The following NAV2 variants were observed in gnomAD, a reference collection of about 807,000 sequenced individuals.
The protein encoded by NAV2 is helicase, APC down-regulated 1.
Under a neutral mutation model 223.2 loss-of-function variants are expected in NAV2, and 54 were observed. The observed-to-expected ratio is 0.24, with a 90% CI of 0.19 to 0.30. NAV2 has a LOEUF of 0.30. NAV2 is among the 10% of genes least tolerant of loss of function. The probability of loss-of-function intolerance (pLI) is 1.00; values close to 1 mark genes in which losing one functional copy is unlikely to be tolerated. For missense variants in NAV2, 2,806 were observed against 3,147.5 expected (o/e 0.89, Z 2.60); for synonymous variants, 1,279 against 1,239.3 (o/e 1.03, Z -0.67).
chr11:19,975,019 C>T (rs2049588731), intron 10 of NAV2, among the ~76,000 whole-genome samples: 1 of 152,170 alleles, frequency 6.6e-6, no homozygotes, highest in Non-Finnish European at 1.5e-5. Context: ...GATATCAGTC[C>T]ATCTCCTTTC....
chr11:19,882,916 G>T (rs997559981), intron 5 of NAV2, among the ~76,000 whole-genome samples: 2 of 152,090 alleles, frequency 1.3e-5, no homozygotes, highest in Admixed American at 6.6e-5. Context: ...CTTTCTAATT[G>T]TATTTCCAAA....
intron 1 of NAV2, among the ~76,000 whole-genome samples, chr11:19,382,242 A>G (rs1848867242): frequency 6.6e-6 from 1 of 152,246 alleles, no homozygotes; most frequent in South Asian, 2.1e-4. Context: ...TTCCCAGTGT[A>G]CAATGGGACA....
chr11:19,628,940 CT>C (rs2047258471), intron 1 of NAV2, among the ~76,000 whole-genome samples: 1 of 152,158 alleles, frequency 6.6e-6, no homozygotes, highest in Admixed American at 6.5e-5. Context: ...ATTTGCCACC[CT>C]GACCTTGCTG....
At chr11:19,908,547 A>G (rs2043062065) in intron 6 of NAV2, among the ~76,000 whole-genome samples, 1 of 152,352 alleles carries the variant, frequency 6.6e-6, no homozygotes, top group East Asian at 1.9e-4. Context: ...TGTGCTGTCT[A>G]ATATGGTAGC....
At chr11:19,669,004 C>G (rs1276139166) in intron 1 of NAV2, among the ~76,000 whole-genome samples, 2 of 152,100 alleles carry the variant, frequency 1.3e-5, no homozygotes, top group African/African-American at 4.8e-5. Context: ...AAATGAAGGA[C>G]AAGCAGACAG....
intron 1 of NAV2, among the ~76,000 whole-genome samples, chr11:19,703,003 C>T (rs896994162): frequency 2.6e-5 from 4 of 151,054 alleles, no homozygotes; most frequent in Non-Finnish European, 4.4e-5. Context: ...GTTAACAATT[C>T]GACACGATTC....
chr11:19,835,809 C>T (rs947938258), intron 2 of NAV2, among the ~76,000 whole-genome samples: 2 of 151,422 alleles, frequency 1.3e-5, no homozygotes, highest in Admixed American at 6.6e-5. Flanking sequence ...AAAATTTTCC[C>T]AGAATTGGAA....
At chr11:19,934,374 C>G in intron 7 of NAV2, 97 bp downstream of exon 7, 1 of 1,365,986 alleles carries the variant, frequency 7.3e-7, no homozygotes, top group Non-Finnish European at 9.6e-7. Context: ...AGACTGTGCT[C>G]CAGGAATACT....
chr11:19,668,307 G>A (rs1565152527), intron 1 of NAV2, among the ~76,000 whole-genome samples: 1 of 152,266 alleles, frequency 6.6e-6, no homozygotes, highest in Admixed American at 6.5e-5. Flanking sequence ...AGAGGCCAAG[G>A]CGGGTGGATC....
chr11:19,357,723 T>C (rs1407728839), intron 1 of NAV2, among the ~76,000 whole-genome samples: 2 of 152,234 alleles, frequency 1.3e-5, no homozygotes, highest in African/African-American at 4.8e-5. Context: ...GAAAGTGTAC[T>C]TTTCTGTTTC....
intron 1 of NAV2, among the ~76,000 whole-genome samples, chr11:19,421,966 T>C: frequency 6.6e-6 from 1 of 152,102 alleles, no homozygotes; most frequent in South Asian, 2.1e-4. Flanking sequence ...ACCTAGTGTC[T>C]CTGAGCAACA....
chr11:19,510,746 A>T (rs914607209), intron 1 of NAV2: 1 of 71,016 alleles, frequency 1.4e-5, no homozygotes, highest in East Asian at 3.9e-4. Flanking sequence ...TGTTTTTTTC[A>T]TCTAGGGACA....
At chr11:19,461,198 G>A (rs1428114248) in intron 1 of NAV2, among the ~76,000 whole-genome samples, 1 of 152,126 alleles carries the variant, frequency 6.6e-6, no homozygotes, top group African/African-American at 2.4e-5. Flanking sequence ...ACTCACCAGA[G>A]CTCAGTGCAC....
chr11:19,813,756 G>A (rs187794494), intron 1 of NAV2, among the ~76,000 whole-genome samples: 2 of 152,322 alleles, frequency 1.3e-5, no homozygotes, highest in Admixed American at 1.3e-4. Flanking sequence ...TGACTGCTGA[G>A]GACTGCGCTG....
At chr11:19,757,923 T>C (rs1838453968) in intron 1 of NAV2, among the ~76,000 whole-genome samples, 1 of 152,184 alleles carries the variant, frequency 6.6e-6, no homozygotes, top group Non-Finnish European at 1.5e-5. Flanking sequence ...ACCCCCAGTC[T>C]CTTGGTGCTG....
chr11:20,078,092 C>T lies in NAV2; in HGVS notation c.5167C>T (p.Leu1723Phe). ...AINGVINTPE[L>F]NCKGNGTAQS... ...TAATGGAGTAATTAACACACCTGAGCTCAACTGCAAAGGTAAAGTAAGGGA... is the reference window on the plus strand; with the variant it reads ...TAATGGAGTAATTAACACACCTGAGTTCAACTGCAAAGGTAAAGTAAGGGA... Residue 1723 changes from leucine (L) to phenylalanine (F), a missense_variant, in exon 24 of 38, where the codon CTC (leucine) becomes TTC (phenylalanine). Around this residue, in one of 4 missense-constraint regions of NAV2, gnomAD observed 824 missense variants for 1,069.4 expected, o/e 0.77. Coordinates refer to ENST00000349880, the MANE Select transcript of NAV2 (RefSeq NM_145117.5). The T allele has an allele frequency of 1.9e-6, 3 of 1,612,740 alleles. No homozygotes were observed. Among genetic ancestry groups the T allele is most frequent in the Non-Finnish European group, 1.7e-6 (2 of 1,179,078 alleles).
At chr11:20,003,618 G>A (rs1413186957) in intron 11 of NAV2, among the ~76,000 whole-genome samples, 2 of 152,144 alleles carry the variant, frequency 1.3e-5, no homozygotes, top group Non-Finnish European at 2.9e-5. Flanking sequence ...AGTTCAGCAG[G>A]TAAAAGAATC....
chr11:19,726,695 C>T (rs2051285474), intron 1 of NAV2, among the ~76,000 whole-genome samples: 1 of 152,168 alleles, frequency 6.6e-6, no homozygotes, highest in Non-Finnish European at 1.5e-5. Context: ...CACTTGCTAA[C>T]AAAAGTATGG....
At chr11:19,840,395 C>A (rs2060445926) in intron 2 of NAV2, among the ~76,000 whole-genome samples, 1 of 152,150 alleles carries the variant, frequency 6.6e-6, no homozygotes, top group Non-Finnish European at 1.5e-5. Flanking sequence ...ATTCAGGTGG[C>A]ATATAAAGAA....
Sources: allele counts gnomAD v4.1 joint callset (sites outside exome capture counted in the v4.1 genomes callset), GRCh38; gene constraint gnomAD v4.1.1; regional missense constraint gnomAD v4.1.1; transcripts MANE v1.5; gene names NCBI Gene and HGNC (gene_info 2026-07-23, HGNC 2026-07-21).